AGTPBP1: variants seen among roughly 807,000 people sequenced by gnomAD.
AGTPBP1 encodes cytosolic carboxypeptidase 1.
In AGTPBP1, 70 loss-of-function variants were observed where a neutral mutation model predicts 143.9. The ratio of observed to expected loss-of-function variants is 0.49; its 90% CI spans 0.40 to 0.59. The LOEUF is 0.59. AGTPBP1 is among the 20% of genes least tolerant of loss of function. The pLI, the probability that AGTPBP1 is intolerant of heterozygous loss-of-function variation, is 0.00. For synonymous variants in AGTPBP1, 463 were observed against 500.2 expected, an observed-to-expected ratio of 0.93 and a Z score of 0.99; for missense variants, 1,229 against 1,464.5, an observed-to-expected ratio of 0.84 and a Z score of 2.62.
chr9:85,774,186 G>A, the AGTPBP1 span: 114 of 627,610 alleles, frequency 1.8e-4, no homozygotes, highest in Middle Eastern at 2.2e-3. Flanking sequence ...TTTGGTTGCC[G>A]CATTTTGGGA....
At chr9:85,573,595 C>T (rs1473365239) in intron 25 of AGTPBP1, among the ~76,000 whole-genome samples, 1 of 151,606 alleles carries the variant, frequency 6.6e-6, no homozygotes, top group African/African-American at 2.4e-5. Flanking sequence ...CCCCTCTGCC[C>T]GGCTGCCCAG....
At chr9:85,776,681 T>C in the AGTPBP1 span, among the ~76,000 whole-genome samples, 1 of 152,174 alleles carries the variant, frequency 6.6e-6, no homozygotes, top group South Asian at 2.1e-4. Flanking sequence ...GACTTAATGG[T>C]AGGTAGAGCC....
At chr9:85,563,490 A>T (rs913703833) in intron 25 of AGTPBP1, among the ~76,000 whole-genome samples, 2 of 152,236 alleles carry the variant, frequency 1.3e-5, no homozygotes, top group African/African-American at 4.8e-5. Flanking sequence ...TTCTAAGCAA[A>T]CTGTTGAAGG....
At chr9:85,640,507 A>C (rs924376889) in intron 13 of AGTPBP1, among the ~76,000 whole-genome samples, 1 of 152,234 alleles carries the variant, frequency 6.6e-6, no homozygotes, top group African/African-American at 2.4e-5. Flanking sequence ...GAAAATAAAA[A>C]GGAGTAACTT....
chr9:85,564,987 A>C (rs1235395880), intron 25 of AGTPBP1, among the ~76,000 whole-genome samples: 1 of 152,166 alleles, frequency 6.6e-6, no homozygotes. Flanking sequence ...TTACAGTGAG[A>C]AGAAGGCCAC....
chr9:85,607,098 G>A (rs1191108464), intron 17 of AGTPBP1, among the ~76,000 whole-genome samples: 1 of 151,880 alleles, frequency 6.6e-6, no homozygotes, highest in Non-Finnish European at 1.5e-5. Context: ...TCAAGGTGAT[G>A]GATATCCTAA....
chr9:85,721,915 C>A (rs549638575), intron 1 of AGTPBP1, among the ~76,000 whole-genome samples: 5 of 152,192 alleles, frequency 3.3e-5, no homozygotes, highest in Non-Finnish European at 7.3e-5. Flanking sequence ...GATTTTATTT[C>A]TCCTTCACTT....
intron 23 of AGTPBP1, 55 bp downstream of exon 23, chr9:85,585,408 G>A: frequency 1.4e-6 from 2 of 1,466,022 alleles, no homozygotes. Flanking sequence ...GTTCTTTTCT[G>A]TACTTTTATG....
intron 3 of AGTPBP1, among the ~76,000 whole-genome samples, chr9:85,691,688 C>T (rs370663066): frequency 5.3e-5 from 8 of 151,972 alleles, no homozygotes; most frequent in East Asian, 1.9e-4. Flanking sequence ...TGGTATCTTG[C>T]GTTCCTGAAA....
At chr9:85,608,333 T>C (rs1280953877) in intron 17 of AGTPBP1, among the ~76,000 whole-genome samples, 1 of 151,980 alleles carries the variant, frequency 6.6e-6, no homozygotes, top group Non-Finnish European at 1.5e-5. Flanking sequence ...ACAGAAGATA[T>C]AAGCAGAAAT....
chr9:85,764,431 G>A, the AGTPBP1 span, among the ~76,000 whole-genome samples: 1 of 152,140 alleles, frequency 6.6e-6, no homozygotes, highest in South Asian at 2.1e-4. Context: ...CAGGGAGGCT[G>A]AAGCAGGAGA....
chr9:85,767,509 G>A, the AGTPBP1 span, among the ~76,000 whole-genome samples: 5 of 152,202 alleles, frequency 3.3e-5, no homozygotes, highest in Admixed American at 3.3e-4. Flanking sequence ...CATCATGCTT[G>A]GCTAGTTTTT....
the AGTPBP1 span, among the ~76,000 whole-genome samples, chr9:85,780,657 G>C: frequency 6.6e-6 from 1 of 152,144 alleles, no homozygotes; most frequent in African/African-American, 2.4e-5. Flanking sequence ...GAAAGTGTGA[G>C]GGTTGGTAGG....
At chr9:85,784,903 T>C in the AGTPBP1 span, among the ~76,000 whole-genome samples, 1 of 152,228 alleles carries the variant, frequency 6.6e-6, no homozygotes, top group Non-Finnish European at 1.5e-5. Context: ...TGTAAATCTA[T>C]ATTTTTATAT....
chr9:85,580,162 C>A (rs191846272), intron 23 of AGTPBP1, among the ~76,000 whole-genome samples: 43 of 150,384 alleles, frequency 2.9e-4, no homozygotes, highest in Admixed American at 1.5e-3. Context: ...CGCCTGAACC[C>A]AGGAGGCAGA....
Position 85,678,331 on chromosome 9 carries a change from T to C in AGTPBP1, c.289+4A>G. The stretch of plus-strand genomic sequence containing the variant: ...GAAATTAGACCAAAGAAACAAAAAC[T>C]TACCAGCTGACACCAGCTCAACAAG... On this transcript the variant is annotated splice_donor_region_variant and intron_variant, in intron 5 of 25. Transcript: ENST00000357081. 1 of 1,588,956 alleles carries C rather than the reference T, an allele frequency of 6.3e-7. No individual in the cohort carries two copies. Among genetic ancestry groups the C allele is most frequent in the Non-Finnish European group, 8.6e-7 (1 of 1,164,264 alleles).
At chr9:85,564,251 CA>C (rs1316600574) in intron 25 of AGTPBP1, among the ~76,000 whole-genome samples, 1 of 152,256 alleles carries the variant, frequency 6.6e-6, no homozygotes, top group Non-Finnish European at 1.5e-5. Context: ...GCAGAGAATG[CA>C]GCTAAAGATC....
intron 11 of AGTPBP1, among the ~76,000 whole-genome samples, chr9:85,652,021 C>T (rs1227320127): frequency 6.6e-6 from 1 of 152,144 alleles, no homozygotes; most frequent in Non-Finnish European, 1.5e-5. Context: ...TCTTTGTGGG[C>T]CCCTTGATAA....
the AGTPBP1 span, among the ~76,000 whole-genome samples, chr9:85,799,691 T>A: frequency 6.6e-6 from 1 of 152,196 alleles, no homozygotes; most frequent in Admixed American, 6.5e-5. Flanking sequence ...AATTTTTTAT[T>A]ATTTTTCGTA....
Sources: gnomAD v4.1 joint callset for allele counts (sites outside exome capture counted in the v4.1 genomes callset) on GRCh38, gnomAD v4.1.1 for gene constraint, MANE v1.5 for transcripts, NCBI Gene and HGNC (gene_info 2026-07-23, HGNC 2026-07-21) for gene names.